RERE: variants seen among roughly 807,000 people sequenced by gnomAD.
RERE encodes arginine-glutamic acid dipeptide repeats protein.
RERE carries 40 observed loss-of-function variants against 146.1 expected under a neutral mutation model. The observed-to-expected ratio is 0.27, with a 90% confidence interval of 0.21 to 0.36. The LOEUF is 0.36. Among genes scored for constraint, RERE ranks in the 10% least tolerant of loss-of-function variants. RERE has a pLI of 1.00. For synonymous variants in RERE, 1,003 were observed against 866.0 expected, an observed-to-expected ratio of 1.16 and a Z score of -2.78; for missense variants, 1,933 against 2,138.7, an observed-to-expected ratio of 0.90 and a Z score of 1.90.
chr1:8,788,418 G>A (rs1320663217), intron 1 of RERE, among the ~76,000 whole-genome samples: 3 of 147,732 alleles, frequency 2.0e-5, no homozygotes, highest in South Asian at 2.1e-4. Context: ...AGGCTGGAGC[G>A]CAGTGGCGCG....
At chr1:8,494,684 C>CT (rs1157533917) in intron 10 of RERE, among the ~76,000 whole-genome samples, 1 of 152,086 alleles carries the variant, frequency 6.6e-6, no homozygotes, top group Non-Finnish European at 1.5e-5. Flanking sequence ...GATCGCGCCA[C>CT]TGCCAGAGCG....
At chr1:8,585,305 T>C (rs1319801548) in intron 4 of RERE, among the ~76,000 whole-genome samples, 4 of 152,150 alleles carry the variant, frequency 2.6e-5, no homozygotes, top group African/African-American at 9.7e-5. Context: ...GACAGCGTGT[T>C]GTATCAGTAT....
At chr1:8,639,442 T>C (rs963164517) in intron 2 of RERE, among the ~76,000 whole-genome samples, 1 of 152,228 alleles carries the variant, frequency 6.6e-6, no homozygotes, top group African/African-American at 2.4e-5. Context: ...TTCAAAATCA[T>C]TCTGGTTTAT....
intron 2 of RERE, among the ~76,000 whole-genome samples, chr1:8,651,577 AAGACCAGGTGC>A (rs1647633522): frequency 6.6e-6 from 1 of 151,970 alleles, no homozygotes; most frequent in Admixed American, 6.6e-5. Context: ...AAGAAAGTAA[AAGACCAGGTGC>A]AGTGGCTTAG....
At position 8,502,480 on chromosome 1, in the gene RERE, T is replaced by C. The variant is rs866894124; in HGVS notation, c.880-4951A>G. The stretch of plus-strand genomic sequence containing the variant: ...GAGGGTGGTGGGGGGGTCAGCCCCC[T>C]GCCCGGCCAGCCGCCCCATCCGGGA... On this transcript the variant is annotated intron_variant, in intron 8 of 22. Coordinates refer to ENST00000400908, the MANE Select transcript of RERE (RefSeq NM_001042681.2). 3.1e-3 allele frequency among the ~76,000 whole-genome samples: 352 copies of C among 112,974 alleles called. 1 individual carries two copies. The Middle Eastern group carries it at 0.053, about 17-fold the overall frequency. The allele number at this position is 112,974 out of a possible 152,430, so 74.1% of individuals were successfully genotyped here.
chr1:8,539,642 G>A (rs1199278637), intron 7 of RERE, among the ~76,000 whole-genome samples: 1 of 152,072 alleles, frequency 6.6e-6, no homozygotes, highest in Non-Finnish European at 1.5e-5. Flanking sequence ...CTGACCTCAC[G>A]ATCCGCCCGC....
In RERE at chr1:8,484,394, A is replaced by C. The variant is rs189495285; in HGVS notation, c.1104+10669T>G. Among the ~76,000 whole-genome samples the C allele has an allele frequency of 1.8e-4, 28 of 152,150 alleles. No homozygotes were observed. In the East Asian group the frequency reaches 4.6e-3, roughly 25 times the overall value. ...CCATTACTTCTTCATATTTAACATA[A>C]GCTTATATTTAATATATAAAAATAC... On this transcript the variant is annotated intron_variant, in intron 10 of 22. Coordinates refer to ENST00000400908, the MANE Select transcript of RERE (RefSeq NM_001042681.2).
chr1:8,721,462 C>A (rs1422940475), intron 1 of RERE, among the ~76,000 whole-genome samples: 1 of 152,146 alleles, frequency 6.6e-6, no homozygotes, highest in Non-Finnish European at 1.5e-5. Flanking sequence ...AAGGTGCCCA[C>A]TACCACACCC....
intron 5 of RERE, 78 bp downstream of exon 5, chr1:8,557,340 C>T: frequency 1.0e-6 from 1 of 974,012 alleles, no homozygotes; most frequent in South Asian, 1.4e-5. Context: ...AAGTTATCTT[C>T]ATTTAATGAA....
At chr1:8,521,176 C>A (rs201287818) in intron 7 of RERE, among the ~76,000 whole-genome samples, 2,294 of 109,584 alleles carry the variant, frequency 0.021, no homozygotes, top group Non-Finnish European at 0.023. Context: ...TTCTTTTTTT[C>A]AAAAAAAAAA....
intron 10 of RERE, among the ~76,000 whole-genome samples, chr1:8,477,457 C>T (rs1644771182): frequency 6.6e-6 from 1 of 152,164 alleles, no homozygotes. Context: ...CAAATGGAAA[C>T]TAAAATATGT....
At chr1:8,463,735 A>C (rs1363537738) in intron 11 of RERE, among the ~76,000 whole-genome samples, 1 of 152,146 alleles carries the variant, frequency 6.6e-6, no homozygotes, top group South Asian at 2.1e-4. Context: ...GAGGCAGGGA[A>C]GTGGGGAAGG....
Position 8,361,853 on chromosome 1 carries a change from G to C in RERE, c.1926C>G (p.Ser642=). The change falls in exon 17 of 23, where the codon TCC becomes TCG. Residue 642 remains serine (S), a synonymous_variant. Transcript: ENST00000400908. ...GCTGGCGTTTGTTACTCTTAAGAGG[G>C]GAAGAGGCTTCCTCCTTCACCTTCT... ...SAKKVKEEAS[S]PLKSNKRQRE... 6.2e-7 allele frequency: 1 copy of C among 1,613,762 alleles called. No individual in the cohort carries two copies. Among genetic ancestry groups the C allele is most frequent in the Non-Finnish European group, 8.5e-7 (1 of 1,179,674 alleles).
In RERE at chr1:8,750,399, A is replaced by G. The variant is rs1387528795; in HGVS notation, c.-145+66761T>C. 22 of 713,924 alleles carry G rather than the reference A, an allele frequency of 3.1e-5. No homozygotes were observed. The Admixed American group carries it at 4.1e-4, about 13-fold the overall frequency. 44.2% of individuals were successfully genotyped at this position (713,924 alleles called of 1,614,324 possible). A position where few individuals can be genotyped will look rare whatever the true frequency, so the allele number is the denominator to read the frequency against. ...GTGTCACAAACCCAGTAGTCTTTTAAAAACCAGTAGCCTCTTTTTCCGGCT... is the reference window on the plus strand; with the variant it reads ...GTGTCACAAACCCAGTAGTCTTTTAGAAACCAGTAGCCTCTTTTTCCGGCT... On this transcript the variant is annotated intron_variant, in intron 1 of 22. Transcript: ENST00000400908.
chr1:8,797,373 G>T (rs571177732), intron 1 of RERE, among the ~76,000 whole-genome samples: 5 of 42,156 alleles, frequency 1.2e-4, no homozygotes, highest in African/African-American at 4.8e-4. Context: ...GTAAGACTCC[G>T]CCTAAAAAAA....
chr1:8,661,104 A>G (rs1345560200), intron 1 of RERE, among the ~76,000 whole-genome samples: 2 of 152,184 alleles, frequency 1.3e-5, no homozygotes, highest in African/African-American at 4.8e-5. Context: ...CAGGACTGCA[A>G]TTTTAAACAA....
intron 1 of RERE, among the ~76,000 whole-genome samples, chr1:8,708,922 T>C (rs1639612262): frequency 7.2e-6 from 1 of 138,050 alleles, no homozygotes; most frequent in Admixed American, 7.1e-5. Flanking sequence ...TTTTTTTTTT[T>C]TTTTTTTTGA....
At chr1:8,583,207 G>C (rs1348734017) in intron 4 of RERE, among the ~76,000 whole-genome samples, 1 of 152,198 alleles carries the variant, frequency 6.6e-6, no homozygotes, top group Non-Finnish European at 1.5e-5. Context: ...TGGCAGCATA[G>C]TTTACAAATG....
chr1:8,763,022 A>G (rs1345421900), intron 1 of RERE, among the ~76,000 whole-genome samples: 1 of 152,230 alleles, frequency 6.6e-6, no homozygotes, highest in Non-Finnish European at 1.5e-5. Context: ...AGGGTCCAGT[A>G]AGCTTAAAAA....
Sources: gnomAD v4.1 joint callset for allele counts (sites outside exome capture counted in the v4.1 genomes callset) on GRCh38, gnomAD v4.1.1 for gene constraint, MANE v1.5 for transcripts, NCBI Gene and HGNC (gene_info 2026-07-23, HGNC 2026-07-21) for gene names.